The following OXR1 variants were observed in gnomAD, a reference collection of about 807,000 sequenced individuals.
OXR1 encodes oxidation resistance protein 1.
A neutral mutation model predicts 104.6 loss-of-function variants in OXR1; 41 were observed. That is an observed-to-expected ratio of 0.39 (90% CI 0.31 to 0.51). The LOEUF (loss-of-function observed/expected upper bound fraction) is 0.51. Among genes scored for constraint, OXR1 ranks in the 20% least tolerant of loss-of-function variants. The probability of loss-of-function intolerance (pLI) is 0.77; values close to 1 mark genes in which losing one functional copy is unlikely to be tolerated. For synonymous variants in OXR1, 348 were observed against 348.4 expected, an observed-to-expected ratio of 1.00 and a Z score of 0.01; for missense variants, 955 against 1,031.9, an observed-to-expected ratio of 0.93 and a Z score of 1.02.
intron 1 of OXR1, among the ~76,000 whole-genome samples, chr8:106,340,093 T>C (rs1208450770): frequency 6.6e-6 from 1 of 152,132 alleles, no homozygotes; most frequent in Non-Finnish European, 1.5e-5. Flanking sequence ...AGGCAAGCTG[T>C]AAAACCATCA....
intron 3 of OXR1, among the ~76,000 whole-genome samples, chr8:106,664,317 T>C (rs906343060): frequency 3.3e-5 from 5 of 152,208 alleles, no homozygotes; most frequent in Non-Finnish European, 7.3e-5. Flanking sequence ...TAGAAAAATA[T>C]TGTTGAATAC....
At chr8:106,338,103 C>T (rs902780197) in intron 1 of OXR1, among the ~76,000 whole-genome samples, 1 of 151,976 alleles carries the variant, frequency 6.6e-6, no homozygotes, top group Non-Finnish European at 1.5e-5. Context: ...GTTCTGGGCC[C>T]CAACAAACCA....
intron 2 of OXR1, among the ~76,000 whole-genome samples, chr8:106,474,012 TACACAC>T (rs199751152): frequency 0.054 from 7,481 of 137,334 alleles, 273 homozygotes; most frequent in African/African-American, 0.099. Flanking sequence ...TGTATATTTA[TACACAC>T]ACACACACAC....
At chr8:106,288,567 ATGGT>A (rs1179823123) in intron 1 of OXR1, among the ~76,000 whole-genome samples, 6 of 145,050 alleles carry the variant, frequency 4.1e-5, no homozygotes, top group Admixed American at 2.7e-4. Flanking sequence ...GTGTATATAT[ATGGT>A]GTGTATATGT....
chr8:106,344,997 GT>G (rs1815418865), intron 1 of OXR1, among the ~76,000 whole-genome samples: 1 of 152,172 alleles, frequency 6.6e-6, no homozygotes, highest in South Asian at 2.1e-4. Context: ...GGAAACAGCT[GT>G]GCTTCCTTTT....
At position 106,694,638 on chromosome 8, in the gene OXR1, TG is replaced by T. The variant is rs1343518423; in HGVS notation, c.675+1762del. Among the ~76,000 whole-genome samples the T allele has an allele frequency of 5.8e-4, 59 of 101,784 alleles. 2 individuals carry two copies. The highest frequency in any genetic ancestry group is 1.5e-3 in the Admixed American group (12 of 8,084). 66.8% of individuals were successfully genotyped at this position (101,784 alleles called of 152,430 possible). The stretch of plus-strand genomic sequence containing the variant: ...TATATATATTTGATATATAAATATA[TG>T]TTTATATATATTTGATATATAAATA... On this transcript the variant is annotated intron_variant, in intron 7 of 16. Coordinates refer to ENST00000517566, the MANE Select transcript of OXR1 (RefSeq NM_001198533.2).
rs773003380 is a variant in OXR1, at chr8:106,684,277, C to G, written c.443C>G (p.Ser148Cys). 1.2e-6 allele frequency: 2 copies of G among 1,604,424 alleles called. No individual in the cohort carries two copies. The highest frequency in any genetic ancestry group is 3.3e-5 in the Admixed American group (2 of 59,960). ...VLYVPDPEYV[S>C]SVESSPSLSP... ...TATGTTCCTGATCCTGAATATGTCT[C>G]CAGTGTTGAGAGCTCTCCATCTCTA... The change falls in exon 6 of 17, where the codon TCC becomes TGC. Residue 148 changes from serine to cysteine, a missense_variant. Coordinates refer to ENST00000517566, the MANE Select transcript of OXR1 (RefSeq NM_001198533.2).
intron 2 of OXR1, among the ~76,000 whole-genome samples, chr8:106,482,015 G>C (rs1307914487): frequency 6.6e-6 from 1 of 152,046 alleles, no homozygotes; most frequent in Non-Finnish European, 1.5e-5. Flanking sequence ...CATGTACATA[G>C]TATTCAAGGA....
intron 6 of OXR1, among the ~76,000 whole-genome samples, chr8:106,691,748 G>A (rs1829309804): frequency 6.6e-6 from 1 of 150,636 alleles, no homozygotes; most frequent in Non-Finnish European, 1.5e-5. Flanking sequence ...GTTTGCAGGG[G>A]ACCCTCTTAT....
At chr8:106,271,870 C>T (rs1322853628) in intron 1 of OXR1, 1 of 152,146 alleles carries the variant, frequency 6.6e-6, no homozygotes. Flanking sequence ...CTGGGAGTCC[C>T]GGCCGTCAGA....
chr8:106,445,163 A>G (rs1254586762), intron 2 of OXR1, among the ~76,000 whole-genome samples: 1 of 152,204 alleles, frequency 6.6e-6, no homozygotes, highest in Non-Finnish European at 1.5e-5. Context: ...CTTGGAGTAC[A>G]GTGAAGTAGA....
intron 1 of OXR1, among the ~76,000 whole-genome samples, chr8:106,313,540 GAT>G (rs1032554341): frequency 5.9e-5 from 9 of 152,034 alleles, no homozygotes; most frequent in Non-Finnish European, 1.0e-4. Flanking sequence ...ACTGTGGAAG[GAT>G]ATTTTTTTTC....
intron 2 of OXR1, among the ~76,000 whole-genome samples, chr8:106,390,767 T>C (rs554170555): frequency 5.3e-5 from 8 of 152,222 alleles, no homozygotes; most frequent in Non-Finnish European, 1.0e-4. Flanking sequence ...TTATAATTTC[T>C]ATCCCAGAAA....
chr8:106,477,509 G>C (rs963975840), intron 2 of OXR1, among the ~76,000 whole-genome samples: 28 of 151,958 alleles, frequency 1.8e-4, no homozygotes, highest in Non-Finnish European at 3.8e-4. Flanking sequence ...GGGTCTTCAA[G>C]TGTGTAAGTT....
At position 106,566,790 on chromosome 8, in the gene OXR1, A is replaced by G. The variant is rs139202482; in HGVS notation, c.220+47651A>G. 2.5e-4 allele frequency among the ~76,000 whole-genome samples: 38 copies of G among 152,350 alleles called. No individual in the cohort carries two copies. The East Asian group carries it at 6.4e-3, about 26-fold the overall frequency. ...ATACACCATAAAATACTACGCATCCATAAAAAACAATGAGTTCATGTCCTT... is the reference window on the plus strand; with the variant it reads ...ATACACCATAAAATACTACGCATCCGTAAAAAACAATGAGTTCATGTCCTT... On this transcript the variant is annotated intron_variant, in intron 3 of 16. Transcript: ENST00000517566.
chr8:106,626,299 T>C (rs1822155323), intron 3 of OXR1, among the ~76,000 whole-genome samples: 1 of 151,760 alleles, frequency 6.6e-6, no homozygotes, highest in Non-Finnish European at 1.5e-5. Context: ...CCTATGCAGA[T>C]GATAAGATGA....
chr8:106,432,644 GTTT>G (rs10598844), intron 2 of OXR1, among the ~76,000 whole-genome samples: 1 of 150,234 alleles, frequency 6.7e-6, no homozygotes, highest in African/African-American at 2.4e-5. Context: ...CCATACCAAG[GTTT>G]TTTTTTTCTG....
chr8:106,519,004 G>T lies in OXR1; in HGVS notation c.85G>T (p.Ala29Ser), dbSNP rs181860712. The T allele has an allele frequency of 3.9e-6, 6 of 1,551,744 alleles. No homozygotes were observed. In the African/African-American group the frequency reaches 6.8e-5, roughly 18 times the overall value. The change falls in exon 3 of 17, where the codon GCA (alanine) becomes TCA (serine). Residue 29 changes from alanine to serine, a missense_variant. Ala to Ser is a moderately conservative substitution (Grantham distance 99, BLOSUM62 1). This residue lies in a region of OXR1 where 849 missense variants were observed against 852.9 expected (regional missense o/e 1.00). Transcript: ENST00000517566. ...NAPGFNPLAG[A>S]GKQTPQASKP... ...TCCAGGGTTCAACCCTTTGGCTGGT[G>T]CAGGAAAGCAAACACCACAAGCCAG... is the stretch of plus-strand genomic sequence containing the variant.
rs540253621 is a variant in OXR1 at position 106,342,428 on chromosome 8, T to A, written c.-138-17048T>A. ...ACCATGCCTGGCTAATTTTTTTTTG[T>A]AATTTTAGTAGAGATGGGGTTTCGC... On this transcript the variant is annotated intron_variant, in intron 1 of 16. Transcript: ENST00000517566. 1.6e-3 allele frequency among the ~76,000 whole-genome samples: 242 copies of A among 151,950 alleles called. 1 individual carries two copies. Among genetic ancestry groups the A allele is most frequent in the African/African-American group, 5.7e-3 (238 of 41,402 alleles).
Sources: gnomAD v4.1 joint callset for allele counts (sites outside exome capture counted in the v4.1 genomes callset) on GRCh38, gnomAD v4.1.1 for gene constraint, gnomAD v4.1.1 regional missense constraint, MANE v1.5 for transcripts, NCBI Gene and HGNC (gene_info 2026-07-23, HGNC 2026-07-21) for gene names.